Variants in ZBTB46 observed in about 807,000 individuals in gnomAD.
ZBTB46 encodes zinc finger and BTB domain containing 46.
A neutral mutation model predicts 44.1 loss-of-function variants in ZBTB46; 8 were observed. That is an observed-to-expected ratio of 0.18 (90% CI 0.11 to 0.33). ZBTB46 has a LOEUF of 0.33. Ranked by LOEUF, ZBTB46 falls within the 10% of genes least tolerant of loss-of-function variation. The pLI is 1.00. For synonymous variants in ZBTB46, 409 were observed against 382.3 expected (o/e 1.07, Z -0.81); for missense variants, 651 against 847.7 (o/e 0.77, Z 2.88).
Position 63,744,095 on chromosome 20 carries a change from A to AAAAC in ZBTB46, c.*2831_*2834dup, listed in dbSNP as rs1227139897. The AAAAC allele has an allele frequency of 2.0e-5, 3 of 152,382 alleles. No homozygotes were observed. Among genetic ancestry groups the AAAAC allele is most frequent in the African/African-American group, 4.8e-5 (2 of 41,446 alleles). The allele number at this position is 152,382 out of a possible 1,614,324, so 9.4% of individuals were successfully genotyped here. ...AAGTAGTTCTAAAAGGGCTGCATACAAAACACAATATAAGATCTAAAAAAA... is the reference window on the plus strand; with the variant it reads ...AAGTAGTTCTAAAAGGGCTGCATACAAAACAAACACAATATAAGATCTAAAAAAA... On this transcript the variant is annotated 3_prime_UTR_variant, in exon 5 of 5. Coordinates refer to ENST00000245663, the MANE Select transcript of ZBTB46 (RefSeq NM_001369741.1).
intron 2 of ZBTB46, among the ~76,000 whole-genome samples, chr20:63,786,561 G>C (rs1267430040): frequency 6.6e-6 from 1 of 152,112 alleles, no homozygotes; most frequent in Non-Finnish European, 1.5e-5. Flanking sequence ...CTCCAGGCTG[G>C]AGTGCAGTGG....
At chr20:63,831,426 G>T (rs1261761159), upstream of ZBTB46, among the ~76,000 whole-genome samples, 1 of 143,304 alleles carries the variant, frequency 7.0e-6, no homozygotes. Flanking sequence ...ACGCCGGCCC[G>T]GCCGCCGGCC....
intron 3 of ZBTB46, among the ~76,000 whole-genome samples, chr20:63,756,656 G>A (rs928586651): frequency 5.3e-5 from 8 of 152,236 alleles, no homozygotes; most frequent in African/African-American, 1.9e-4. Flanking sequence ...AACAGGCACT[G>A]CGTGTTCCCA....
At chr20:63,807,345 T>G (rs1163376711) in intron 1 of ZBTB46, among the ~76,000 whole-genome samples, 1 of 152,060 alleles carries the variant, frequency 6.6e-6, no homozygotes, top group Non-Finnish European at 1.5e-5. Flanking sequence ...CTATTCAGAT[T>G]TTCTGTTTCT....
chr20:63,771,563 G>C (rs555591014), intron 3 of ZBTB46, among the ~76,000 whole-genome samples: 21 of 152,290 alleles, frequency 1.4e-4, no homozygotes, highest in Non-Finnish European at 1.5e-5. Flanking sequence ...GTGGGGCTAC[G>C]CCGTGAACTC....
At chr20:63,830,735 G>C (rs1268277481) in intron 1 of ZBTB46, among the ~76,000 whole-genome samples, 4 of 148,058 alleles carry the variant, frequency 2.7e-5, no homozygotes, top group Admixed American at 6.7e-5. Context: ...GCCGGGGAGG[G>C]AGCGCGGCGG....
intron 2 of ZBTB46, among the ~76,000 whole-genome samples, chr20:63,778,562 T>C (rs4809341): frequency 0.91 from 139,052 of 152,204 alleles, 63,627 homozygotes; most frequent in East Asian, 0.99. Flanking sequence ...GAGAGCTGGG[T>C]GTGGCAGGTG....
intron 2 of ZBTB46, among the ~76,000 whole-genome samples, chr20:63,780,914 A>G (rs1329700699): frequency 6.6e-6 from 1 of 151,562 alleles, no homozygotes; most frequent in Non-Finnish European, 1.5e-5. Context: ...GTGGATCATG[A>G]GGTCAGGAGT....
rs1289568018 is a variant in ZBTB46, at chr20:63,831,199, G to T, written c.-136C>A. On this transcript the variant is annotated 5_prime_UTR_variant, in exon 1 of 5. Coordinates refer to ENST00000245663, the MANE Select transcript of ZBTB46 (RefSeq NM_001369741.1). ...GAGGGCGCTGCGTCCGGGCGGGTCC[G>T]AGCTGCGCGCTCGCCGGGGCTGCTC... 1 of 142,488 alleles carries T rather than the reference G, an allele frequency of 7.0e-6. No individual in the cohort carries two copies. The highest frequency in any genetic ancestry group is 1.6e-5 in the Non-Finnish European group (1 of 64,496). 8.8% of individuals were successfully genotyped at this position (142,488 alleles called of 1,614,324 possible). A position where few individuals can be genotyped will look rare whatever the true frequency, so the allele number is the denominator to read the frequency against.
rs144086739 is a variant in ZBTB46, at chr20:63,823,858, T to TTCTGTGTGTGTG, written c.-34+7238_-34+7239insCACACACACAGA. On this transcript the variant is annotated intron_variant, in intron 1 of 4. Transcript: ENST00000245663. Reference sequence around the variant, plus strand: ...TCCTGACCTTTGTCCTCTAGGAACCTTGTGTGTGTGTGTGTGTGTGTGTGT... The same window carrying TTCTGTGTGTGTG: ...TCCTGACCTTTGTCCTCTAGGAACCTTCTGTGTGTGTGTGTGTGTGTGTGTGTGTGTGTGTGT... Among the ~76,000 whole-genome samples, 129 of 144,806 alleles carry TTCTGTGTGTGTG rather than the reference T, an allele frequency of 8.9e-4. 1 individual carries two copies. Among genetic ancestry groups the TTCTGTGTGTGTG allele is most frequent in the African/African-American group, 1.3e-3 (49 of 38,464 alleles). The allele number at this position is 144,806 out of a possible 152,430, so 95.0% of individuals were successfully genotyped here. A position where few individuals can be genotyped will look rare whatever the true frequency, so the allele number is the denominator to read the frequency against.
intron 2 of ZBTB46, among the ~76,000 whole-genome samples, chr20:63,785,873 G>A (rs1048305646): frequency 6.6e-6 from 1 of 152,210 alleles, no homozygotes; most frequent in Non-Finnish European, 1.5e-5. Context: ...GGAAACCCAA[G>A]GGATTTAAGA....
chr20:63,763,563 C>T (rs951263644), intron 3 of ZBTB46, among the ~76,000 whole-genome samples: 3 of 152,030 alleles, frequency 2.0e-5, no homozygotes, highest in Non-Finnish European at 2.9e-5. Context: ...TTTAATCGAC[C>T]GGATCTTGTG....
chr20:63,798,860 T>A (rs1270417697), intron 1 of ZBTB46, among the ~76,000 whole-genome samples: 13 of 142,722 alleles, frequency 9.1e-5, no homozygotes, highest in African/African-American at 7.8e-5. Context: ...AAAAAAAAAA[T>A]GTAATTAACA....
intron 1 of ZBTB46, among the ~76,000 whole-genome samples, chr20:63,792,505 G>A (rs1460624582): frequency 1.3e-5 from 2 of 151,968 alleles, no homozygotes; most frequent in African/African-American, 2.4e-5. Context: ...ACTTAGTCAT[G>A]ACAGAATATT....
chr20:63,798,400 C>T (rs983103326), intron 1 of ZBTB46, among the ~76,000 whole-genome samples: 2 of 151,946 alleles, frequency 1.3e-5, no homozygotes, highest in African/African-American at 4.8e-5. Flanking sequence ...GTTGGCCGCG[C>T]GTGGTGGCTC....
intron 1 of ZBTB46, among the ~76,000 whole-genome samples, chr20:63,825,345 G>A (rs1280609282): frequency 6.7e-6 from 1 of 148,566 alleles, no homozygotes; most frequent in Non-Finnish European, 1.5e-5. Context: ...AGGTTGTAAT[G>A]AGCCGAGATC....
intron 2 of ZBTB46, among the ~76,000 whole-genome samples, chr20:63,784,972 G>A (rs35960945): frequency 0.18 from 26,915 of 151,920 alleles, 2,989 homozygotes; most frequent in Non-Finnish European, 0.24. Context: ...GGTGGCTCAC[G>A]CCTGTCATCC....
chr20:63,792,469 C>T (rs978880896), intron 1 of ZBTB46, among the ~76,000 whole-genome samples: 14 of 152,048 alleles, frequency 9.2e-5, no homozygotes, highest in Admixed American at 3.9e-4. Context: ...TCCTGGGCTC[C>T]GACTGGTTAC....
chr20:63,823,460 T>C (rs1257609796), intron 1 of ZBTB46, among the ~76,000 whole-genome samples: 10 of 152,048 alleles, frequency 6.6e-5, no homozygotes, highest in Non-Finnish European at 1.5e-4. Context: ...ATCACGCCAC[T>C]GCATTCCAGC....
Sources: allele counts gnomAD v4.1 joint callset (sites outside exome capture counted in the v4.1 genomes callset), GRCh38; gene constraint gnomAD v4.1.1; transcripts MANE v1.5; gene names NCBI Gene and HGNC (gene_info 2026-07-23, HGNC 2026-07-21).